Variants in LMBR1 observed in about 807,000 individuals in gnomAD.
LMBR1 encodes limb development membrane protein 1, also known as limb region 1 protein homolog.
In LMBR1, 52 loss-of-function variants were observed where a neutral mutation model predicts 73.9. That is an observed-to-expected ratio of 0.70 (90% CI 0.56 to 0.89). The LOEUF is 0.89. Ranked by LOEUF, LMBR1 falls within the 40% of genes least tolerant of loss-of-function variation. The pLI is 0.00. For missense variants in LMBR1, 539 were observed against 579.8 expected, an observed-to-expected ratio of 0.93 and a Z score of 0.72; for synonymous variants, 215 against 209.4, an observed-to-expected ratio of 1.03 and a Z score of -0.23.
chr7:156,869,212 G>A lies in LMBR1; in HGVS notation c.66+23716C>T, dbSNP rs186720710. ...TTTCTTAAATTATCTTACTACCAAG[G>A]TGTTCAGGAAATTAACCTGTACTAT... On this transcript the variant is annotated intron_variant, in intron 1 of 16. Coordinates refer to ENST00000353442, the MANE Select transcript of LMBR1 (RefSeq NM_022458.4). 3.3e-5 allele frequency among the ~76,000 whole-genome samples: 5 copies of A among 151,806 alleles called. No homozygotes were observed. The East Asian group carries it at 9.7e-4, about 29-fold the overall frequency.
At chr7:156,749,307 T>C (rs1269868119) in intron 9 of LMBR1, among the ~76,000 whole-genome samples, 1 of 152,210 alleles carries the variant, frequency 6.6e-6, no homozygotes, top group Non-Finnish European at 1.5e-5. Flanking sequence ...AAGAATGTAA[T>C]GACCAAATTA....
chr7:156,857,773 T>C (rs912425419), intron 1 of LMBR1, among the ~76,000 whole-genome samples: 1 of 152,132 alleles, frequency 6.6e-6, no homozygotes, highest in Non-Finnish European at 1.5e-5. Context: ...CAGATCACAA[T>C]AGAATTAAAC....
chr7:156,731,361 A>G (rs1035529620), intron 10 of LMBR1, among the ~76,000 whole-genome samples: 1 of 152,210 alleles, frequency 6.6e-6, no homozygotes, highest in African/African-American at 2.4e-5. Context: ...TGATAAGACA[A>G]TGGCCAAGAT....
At chr7:156,675,934 T>TG, downstream of LMBR1, 5 of 1,478,654 alleles carry the variant, frequency 3.4e-6, no homozygotes, top group East Asian at 2.3e-5. Flanking sequence ...GAGTGGCATG[T>TG]GGGGGGAGGT....
At chr7:156,728,541 C>A in intron 11 of LMBR1, 103 bp downstream of exon 11, 1 of 752,926 alleles carries the variant, frequency 1.3e-6, no homozygotes, top group Non-Finnish European at 2.2e-6. Context: ...TGATAGAAAA[C>A]TAGTTTATGA....
intron 4 of LMBR1, among the ~76,000 whole-genome samples, chr7:156,816,565 T>C (rs958813550): frequency 1.3e-4 from 20 of 152,186 alleles, no homozygotes; most frequent in African/African-American, 4.8e-4. Context: ...ACCAGCTTTT[T>C]TCAACCTAGG....
intron 1 of LMBR1, among the ~76,000 whole-genome samples, chr7:156,874,149 G>A (rs564353844): frequency 7.9e-5 from 12 of 152,382 alleles, no homozygotes; most frequent in East Asian, 1.9e-4. Flanking sequence ...AGCCCCACCC[G>A]CGGGAAGGCA....
chr7:156,798,667 T>A (rs903454520), intron 4 of LMBR1, among the ~76,000 whole-genome samples: 16 of 152,162 alleles, frequency 1.1e-4, no homozygotes, highest in African/African-American at 3.9e-4. Context: ...ATATGTGGGG[T>A]ATAACAATAA....
At chr7:156,724,901 C>T (rs139502905) in intron 14 of LMBR1, among the ~76,000 whole-genome samples, 11 of 151,918 alleles carry the variant, frequency 7.2e-5, no homozygotes, top group South Asian at 2.1e-4. Context: ...TGTCAGCCTA[C>T]GGGAATATTT....
At chr7:156,735,061 A>G (rs1027288812) in intron 9 of LMBR1, among the ~76,000 whole-genome samples, 1 of 152,196 alleles carries the variant, frequency 6.6e-6, no homozygotes, top group Admixed American at 6.5e-5. Context: ...ACTTTTTGCC[A>G]CTAGAAACAG....
chr7:156,729,740 T>C (rs775397659), intron 10 of LMBR1, among the ~76,000 whole-genome samples: 2 of 152,210 alleles, frequency 1.3e-5, no homozygotes, highest in Non-Finnish European at 2.9e-5. Flanking sequence ...CCCAAAGGGC[T>C]GGGATTACAG....
At chr7:156,677,608 G>A (rs1490248301), downstream of LMBR1, among the ~76,000 whole-genome samples, 1 of 152,182 alleles carries the variant, frequency 6.6e-6, no homozygotes, top group Non-Finnish European at 1.5e-5. Flanking sequence ...CCAAGTGGGT[G>A]TGCACATGGC....
At chr7:156,712,887 G>A (rs1812373469) in intron 15 of LMBR1, among the ~76,000 whole-genome samples, 1 of 152,148 alleles carries the variant, frequency 6.6e-6, no homozygotes, top group African/African-American at 2.4e-5. Context: ...GCTGGACGAT[G>A]AGAAATTATT....
chr7:156,862,832 C>T (rs570410847), intron 1 of LMBR1, among the ~76,000 whole-genome samples: 1 of 152,302 alleles, frequency 6.6e-6, no homozygotes, highest in South Asian at 2.1e-4. Context: ...CAAGCTGATA[C>T]ATCAGTTTTT....
intron 9 of LMBR1, among the ~76,000 whole-genome samples, chr7:156,737,499 T>A (rs149809746): frequency 1.3e-5 from 2 of 152,180 alleles, no homozygotes; most frequent in South Asian, 4.1e-4. Context: ...CATTTTGTCA[T>A]TTCCTCCACC....
intron 12 of LMBR1, 29 bp from the exon 13 acceptor site, chr7:156,725,866 A>G (rs766131735): frequency 2.0e-6 from 3 of 1,537,118 alleles, no homozygotes; most frequent in Admixed American, 1.7e-5. Context: ...ACTTTTCAGA[A>G]TTTGATGACA....
intron 1 of LMBR1, among the ~76,000 whole-genome samples, chr7:156,882,912 T>A (rs1801314915): frequency 6.6e-6 from 1 of 152,004 alleles, no homozygotes; most frequent in Admixed American, 6.6e-5. Context: ...ACGCCTGTAA[T>A]CCCAGCTACT....
chr7:156,793,563 C>T (rs1829592791), intron 5 of LMBR1, among the ~76,000 whole-genome samples: 2 of 152,076 alleles, frequency 1.3e-5, no homozygotes, highest in South Asian at 2.1e-4. Flanking sequence ...ATTTTAAAAC[C>T]GCCTGAGATA....
intron 1 of LMBR1, among the ~76,000 whole-genome samples, chr7:156,886,092 G>C (rs1801856110): frequency 6.6e-6 from 1 of 151,352 alleles, no homozygotes; most frequent in Non-Finnish European, 1.5e-5. Context: ...AAGATCTCTT[G>C]AGCCTGGGAG....
Sources: gnomAD v4.1 joint callset for allele counts (sites outside exome capture counted in the v4.1 genomes callset) on GRCh38, gnomAD v4.1.1 for gene constraint, MANE v1.5 for transcripts, NCBI Gene and HGNC (gene_info 2026-07-23, HGNC 2026-07-21) for gene names.